Variants in FNIP1 observed in about 807,000 individuals in gnomAD.
FNIP1 encodes folliculin interacting protein 1.
In FNIP1, 40 loss-of-function variants were observed where a neutral mutation model predicts 124.5. The ratio of observed to expected loss-of-function variants is 0.32; its 90% CI spans 0.25 to 0.42. The LOEUF (loss-of-function observed/expected upper bound fraction) is 0.42. Among genes scored for constraint, FNIP1 ranks in the 10% least tolerant of loss-of-function variants. The probability of loss-of-function intolerance (pLI) is 1.00; values close to 1 mark genes in which losing one functional copy is unlikely to be tolerated. For synonymous variants in FNIP1, 472 were observed against 470.6 expected (o/e 1.00, Z -0.04); for missense variants, 1,176 against 1,403.7 (o/e 0.84, Z 2.59).
chr5:131,748,718 A>G (rs1352443510), intron 1 of FNIP1, among the ~76,000 whole-genome samples: 1 of 151,662 alleles, frequency 6.6e-6, no homozygotes, highest in East Asian at 1.9e-4. Context: ...AGAAAAAAAA[A>G]AAAAAAGACT....
In FNIP1 at chr5:131,716,664, G is replaced by A. The variant is rs759423317; in HGVS notation, c.531-8C>T. The A allele has an allele frequency of 2.6e-6, 4 of 1,525,786 alleles. No individual in the cohort carries two copies. The highest frequency in any genetic ancestry group is 3.6e-6 in the Non-Finnish European group (4 of 1,125,380). 94.5% of individuals were successfully genotyped at this position (1,525,786 alleles called of 1,614,324 possible). A position where few individuals can be genotyped will look rare whatever the true frequency, so the allele number is the denominator to read the frequency against. On this transcript the variant is annotated splice_polypyrimidine_tract_variant and splice_region_variant and intron_variant, in intron 5 of 17. Coordinates refer to ENST00000510461, the MANE Select transcript of FNIP1 (RefSeq NM_133372.3). ...TCAAGACTATCTTGTAGCCTATGGA[G>A]GGTGAGAAGAAAATTAATTCCAAAT...
intron 1 of FNIP1, among the ~76,000 whole-genome samples, chr5:131,773,128 T>A (rs1294156864): frequency 6.6e-6 from 1 of 152,134 alleles, no homozygotes; most frequent in African/African-American, 2.4e-5. Flanking sequence ...AACCTGAAAA[T>A]TCCAATGTAT....
chr5:131,716,113 A>G (rs2149540277), intron 6 of FNIP1, among the ~76,000 whole-genome samples: 1 of 152,360 alleles, frequency 6.6e-6, no homozygotes, highest in East Asian at 1.9e-4. Context: ...CTTTTAAGAA[A>G]CATCAAATTT....
intron 15 of FNIP1, among the ~76,000 whole-genome samples, chr5:131,652,343 A>C (rs2149504376): frequency 6.6e-6 from 1 of 152,268 alleles, no homozygotes; most frequent in East Asian, 1.9e-4. Flanking sequence ...TTTACCCTGA[A>C]AGAGACAAAC....
intron 6 of FNIP1, among the ~76,000 whole-genome samples, chr5:131,712,312 TG>T (rs1463440593): frequency 6.6e-6 from 1 of 152,240 alleles, no homozygotes; most frequent in Non-Finnish European, 1.5e-5. Context: ...TTCCTTATTC[TG>T]TCAACACTTA....
chr5:131,663,828 T>C (rs555577909), intron 15 of FNIP1, among the ~76,000 whole-genome samples: 6 of 152,344 alleles, frequency 3.9e-5, no homozygotes, highest in East Asian at 1.9e-4. Context: ...AAGTTAACAG[T>C]GCAGCATGCA....
intron 15 of FNIP1, among the ~76,000 whole-genome samples, chr5:131,654,903 ATTTG>A (rs1251018221): frequency 2.0e-5 from 3 of 152,220 alleles, no homozygotes; most frequent in African/African-American, 7.2e-5. Flanking sequence ...CCAAATTTAT[ATTTG>A]TTTTTTATAA....
intron 1 of FNIP1, among the ~76,000 whole-genome samples, chr5:131,785,101 C>CTA (rs527639857): frequency 2.8e-4 from 5 of 17,984 alleles, no homozygotes; most frequent in Non-Finnish European, 6.5e-4. Context: ...ATATATATGA[C>CTA]TATATATATA....
At position 131,657,736 on chromosome 5, in the gene FNIP1, C is replaced by CAAAAAAAAAA. The variant is rs59097834; in HGVS notation, c.3109-5747_3109-5738dup. Among the ~76,000 whole-genome samples, 56 of 65,042 alleles carry CAAAAAAAAAA rather than the reference C, an allele frequency of 8.6e-4. 1 individual carries two copies. Among genetic ancestry groups the CAAAAAAAAAA allele is most frequent in the African/African-American group, 3.3e-3 (53 of 16,148 alleles). The allele number at this position is 65,042 out of a possible 152,430, so 42.7% of individuals were successfully genotyped here. On this transcript the variant is annotated intron_variant, in intron 15 of 17. Coordinates refer to ENST00000510461, the MANE Select transcript of FNIP1 (RefSeq NM_133372.3). The stretch of plus-strand genomic sequence containing the variant: ...ATGATGAAAGAGCTTGAAAATAAGG[C>CAAAAAAAAAA]AAAAAAAAAAAAAAAAAAAAAACGG...
At chr5:131,717,248 T>C (rs1250130954) in intron 5 of FNIP1, among the ~76,000 whole-genome samples, 2 of 152,074 alleles carry the variant, frequency 1.3e-5, no homozygotes, top group Admixed American at 6.6e-5. Flanking sequence ...TTTGGTTTTT[T>C]GTCCTTGTGA....
At chr5:131,778,884 A>T (rs1419592700) in intron 1 of FNIP1, among the ~76,000 whole-genome samples, 1 of 132,252 alleles carries the variant, frequency 7.6e-6, no homozygotes, top group Non-Finnish European at 1.6e-5. Flanking sequence ...TTCTCAGTAA[A>T]CTATCGCAAG....
intron 2 of FNIP1, among the ~76,000 whole-genome samples, chr5:131,734,690 A>G (rs1369493054): frequency 1.3e-5 from 2 of 152,256 alleles, no homozygotes; most frequent in Non-Finnish European, 2.9e-5. Flanking sequence ...ACATTTATGC[A>G]GCCAACAGAC....
At chr5:131,750,050 C>G (rs571120903) in intron 1 of FNIP1, among the ~76,000 whole-genome samples, 2 of 152,136 alleles carry the variant, frequency 1.3e-5, no homozygotes, top group Non-Finnish European at 2.9e-5. Context: ...AGACTATGAA[C>G]TAGGACGATG....
chr5:131,746,085 C>T (rs1770668669), intron 1 of FNIP1, among the ~76,000 whole-genome samples: 1 of 152,038 alleles, frequency 6.6e-6, no homozygotes, highest in Non-Finnish European at 1.5e-5. Context: ...TTTACATATC[C>T]ATTACATTCC....
rs933444271 is a variant in FNIP1 at position 131,732,296 on chromosome 5, T to C, written c.220-1258A>G. On this transcript the variant is annotated intron_variant, in intron 2 of 17. Transcript: ENST00000510461. Reference sequence around the variant, plus strand: ...CTAGTTACCAACATCACCAAAGGCATTGTTAAAAATTACATGTACTAGTCT... The same window carrying C: ...CTAGTTACCAACATCACCAAAGGCACTGTTAAAAATTACATGTACTAGTCT... 2.0e-5 allele frequency among the ~76,000 whole-genome samples: 3 copies of C among 152,212 alleles called. No homozygotes were observed. The East Asian group carries it at 5.8e-4, about 29-fold the overall frequency.
In FNIP1 at chr5:131,710,594, G is replaced by A. The variant is rs202044208; in HGVS notation, c.690C>T (p.Ser230=). ...SEQGPLRLIR[S]ASFFAVHSNP... ...ATCGCAAACCTGCAAAGAAAGAGGCGCTCCTGATCAGGCGGAGCGGACCCT... is the reference window on the plus strand; with the variant it reads ...ATCGCAAACCTGCAAAGAAAGAGGCACTCCTGATCAGGCGGAGCGGACCCT... Residue 230 remains serine (S), a synonymous_variant, in exon 7 of 18, where the codon AGC becomes AGT. Transcript: ENST00000510461. 1.5e-4 allele frequency: 245 copies of A among 1,613,654 alleles called. No individual in the cohort carries two copies. The highest frequency in any genetic ancestry group is 1.2e-3 in the South Asian group (110 of 91,018).
Position 131,672,441 on chromosome 5 carries a change from T to C in FNIP1, c.2003A>G (p.Asp668Gly). ...ENAVDVKQYR[D>G]KLRTCFDAKL... ...GGCGTCAAAGCAAGTTCTTAATTTA[T>C]CTCTGTACTGTTTAACATCAACAGC... The change falls in exon 14 of 18, where the codon GAT (aspartate) becomes GGT (glycine). Residue 668 changes from aspartate (D) to glycine (G), a missense_variant. By Grantham distance (94) the Asp-to-Gly change is moderately conservative. This residue lies in a region of FNIP1 where 1,109 missense variants were observed against 1,288.5 expected (regional missense o/e 0.86). Coordinates refer to ENST00000510461, the MANE Select transcript of FNIP1 (RefSeq NM_133372.3). 1 of 1,613,676 alleles carries C rather than the reference T, an allele frequency of 6.2e-7. No homozygotes were observed. Among genetic ancestry groups the C allele is most frequent in the Non-Finnish European group, 8.5e-7 (1 of 1,180,028 alleles).
chr5:131,777,990 AG>A (rs555311607), intron 1 of FNIP1, among the ~76,000 whole-genome samples: 1 of 152,354 alleles, frequency 6.6e-6, no homozygotes, highest in South Asian at 2.1e-4. Context: ...CTATAATGGC[AG>A]GATCAGGTTG....
At chr5:131,692,586 G>C (rs567087920) in intron 11 of FNIP1, among the ~76,000 whole-genome samples, 1 of 152,174 alleles carries the variant, frequency 6.6e-6, no homozygotes, top group South Asian at 2.1e-4. Context: ...AAAAGACCCA[G>C]AATAATCAAC....
Sources: gnomAD v4.1 joint callset for allele counts (sites outside exome capture counted in the v4.1 genomes callset) on GRCh38, gnomAD v4.1.1 for gene constraint, gnomAD v4.1.1 regional missense constraint, MANE v1.5 for transcripts, NCBI Gene and HGNC (gene_info 2026-07-23, HGNC 2026-07-21) for gene names.